The following SDC2 variants were observed in gnomAD, a reference collection of about 807,000 sequenced individuals.
SDC2 encodes the protein syndecan-2.
SDC2 carries 13 observed loss-of-function variants against 22.2 expected under a neutral mutation model. The ratio of observed to expected loss-of-function variants is 0.59; its 90% CI spans 0.38 to 0.93. The LOEUF (loss-of-function observed/expected upper bound fraction) is 0.93. SDC2 is among the 40% of genes least tolerant of loss of function. The pLI, the probability that SDC2 is intolerant of heterozygous loss-of-function variation, is 0.00. For synonymous variants in SDC2, 94 were observed against 92.8 expected, an observed-to-expected ratio of 1.01 and a Z score of -0.07; for missense variants, 235 against 246.8, an observed-to-expected ratio of 0.95 and a Z score of 0.32.
chr8:96,577,124 A>G (rs1218221251), intron 1 of SDC2, among the ~76,000 whole-genome samples: 1 of 152,212 alleles, frequency 6.6e-6, no homozygotes, highest in Non-Finnish European at 1.5e-5. Context: ...GGAACAGTGT[A>G]GGCAAGAATG....
At chr8:96,537,084 G>A (rs1329084854) in intron 1 of SDC2, among the ~76,000 whole-genome samples, 2 of 152,102 alleles carry the variant, frequency 1.3e-5, no homozygotes, top group African/African-American at 4.8e-5. Flanking sequence ...TCTAATATTG[G>A]TGCATTATCA....
chr8:96,604,764 C>T (rs1815050519), intron 3 of SDC2, among the ~76,000 whole-genome samples: 1 of 152,186 alleles, frequency 6.6e-6, no homozygotes, highest in African/African-American at 2.4e-5. Flanking sequence ...GGCATCCAAA[C>T]AACCAGACAT....
chr8:96,538,968 TTTGA>T (rs1298236234), intron 1 of SDC2, among the ~76,000 whole-genome samples: 4 of 152,260 alleles, frequency 2.6e-5, no homozygotes, highest in East Asian at 1.9e-4. Context: ...TTGAGCTGTC[TTTGA>T]TTGAGTTAGA....
chr8:96,544,256 G>A (rs1813897254), intron 1 of SDC2, among the ~76,000 whole-genome samples: 1 of 152,166 alleles, frequency 6.6e-6, no homozygotes, highest in Non-Finnish European at 1.5e-5. Context: ...ACTTACTGAT[G>A]CAAAATTATC....
chr8:96,607,573 C>G (rs1815102254), intron 3 of SDC2, among the ~76,000 whole-genome samples: 1 of 152,094 alleles, frequency 6.6e-6, no homozygotes, highest in African/African-American at 2.4e-5. Context: ...GTGGTACAGC[C>G]AACAGTTAAT....
At chr8:96,574,445 A>T (rs765417965) in intron 1 of SDC2, among the ~76,000 whole-genome samples, 56 of 152,204 alleles carry the variant, frequency 3.7e-4, no homozygotes, top group Non-Finnish European at 7.6e-4. Flanking sequence ...ACTTATCTAG[A>T]GCTGTCATTT....
chr8:96,583,295 A>C (rs1305318131), intron 1 of SDC2, among the ~76,000 whole-genome samples: 3 of 147,292 alleles, frequency 2.0e-5, no homozygotes, highest in Non-Finnish European at 4.5e-5. Flanking sequence ...TATATGTAAT[A>C]TACAATATAT....
chr8:96,516,536 A>AC (rs1199882763), intron 1 of SDC2, among the ~76,000 whole-genome samples: 20 of 142,836 alleles, frequency 1.4e-4, no homozygotes, highest in South Asian at 6.7e-4. Context: ...TATTTTAATC[A>AC]CCCCCCCACC....
chr8:96,555,197 C>G (rs1421786125), intron 1 of SDC2, among the ~76,000 whole-genome samples: 1 of 152,058 alleles, frequency 6.6e-6, no homozygotes, highest in African/African-American at 2.4e-5. Flanking sequence ...TCAGCCTTAG[C>G]AGGATGCCTC....
chr8:96,607,903 A>G (rs1380194550), intron 3 of SDC2, among the ~76,000 whole-genome samples: 3 of 152,140 alleles, frequency 2.0e-5, no homozygotes, highest in Non-Finnish European at 4.4e-5. Context: ...GCGTGAGAGA[A>G]TATCTGAAAG....
chr8:96,519,160 G>T (rs1813455292), intron 1 of SDC2, among the ~76,000 whole-genome samples: 1 of 152,100 alleles, frequency 6.6e-6, no homozygotes, highest in Non-Finnish European at 1.5e-5. Context: ...GAGAGAGGGG[G>T]TTTGCTCTAA....
intron 1 of SDC2, among the ~76,000 whole-genome samples, chr8:96,517,281 T>G (rs1290877993): frequency 6.6e-6 from 1 of 152,234 alleles, no homozygotes; most frequent in Non-Finnish European, 1.5e-5. Context: ...TTCTGTGGGT[T>G]GTCTTTTCAT....
chr8:96,514,831 G>C (rs1190709849), intron 1 of SDC2, among the ~76,000 whole-genome samples: 1 of 152,160 alleles, frequency 6.6e-6, no homozygotes, highest in Non-Finnish European at 1.5e-5. Flanking sequence ...AGTGCAGGCG[G>C]TAATGAGATT....
intron 1 of SDC2, among the ~76,000 whole-genome samples, chr8:96,567,992 C>T (rs965993536): frequency 1.1e-4 from 17 of 152,142 alleles, no homozygotes; most frequent in Non-Finnish European, 1.5e-4. Flanking sequence ...CTAGAAGGTC[C>T]GTATTTTCTC....
intron 1 of SDC2, among the ~76,000 whole-genome samples, chr8:96,513,761 G>A (rs758319948): frequency 1.3e-5 from 2 of 152,140 alleles, no homozygotes; most frequent in East Asian, 1.9e-4. Flanking sequence ...GGAAACTTCC[G>A]ATCTCGACTG....
intron 1 of SDC2, among the ~76,000 whole-genome samples, chr8:96,580,988 A>G (rs940598471): frequency 6.6e-5 from 10 of 152,168 alleles, no homozygotes; most frequent in Admixed American, 2.6e-4. Flanking sequence ...AGCTTTTTTT[A>G]TTCCTGGACT....
At chr8:96,536,985 A>G (rs1813764788) in intron 1 of SDC2, among the ~76,000 whole-genome samples, 1 of 152,188 alleles carries the variant, frequency 6.6e-6, no homozygotes, top group Admixed American at 6.5e-5. Flanking sequence ...TAAACTGACA[A>G]TGGCAGGCTT....
At chr8:96,542,826 C>T (rs1325713036) in intron 1 of SDC2, among the ~76,000 whole-genome samples, 1 of 152,154 alleles carries the variant, frequency 6.6e-6, no homozygotes, top group Admixed American at 6.5e-5. Context: ...AGTAGGGCGA[C>T]CATATGTCCC....
intron 1 of SDC2, among the ~76,000 whole-genome samples, chr8:96,538,496 C>G (rs1258742585): frequency 6.9e-6 from 1 of 144,814 alleles, no homozygotes; most frequent in African/African-American, 2.7e-5. Context: ...AATGTTAAGT[C>G]TTTCTAAAGC....
Sources: gnomAD v4.1 joint callset for allele counts (sites outside exome capture counted in the v4.1 genomes callset) on GRCh38, gnomAD v4.1.1 for gene constraint, MANE v1.5 for transcripts, NCBI Gene and HGNC (gene_info 2026-07-23, HGNC 2026-07-21) for gene names.